SEMA5A: variants seen among roughly 807,000 people sequenced by gnomAD.
SEMA5A encodes semaphorin 5A.
Under a neutral mutation model 135.5 loss-of-function variants are expected in SEMA5A, and 55 were observed. The observed-to-expected ratio is 0.41, with a 90% CI of 0.33 to 0.51. The LOEUF (loss-of-function observed/expected upper bound fraction) is 0.51, where lower values mean the gene tolerates loss of function less well. SEMA5A is among the 20% of genes least tolerant of loss of function. The pLI is 0.37. For missense variants in SEMA5A, 1,290 were observed against 1,419.9 expected (o/e 0.91, Z 1.47); for synonymous variants, 580 against 546.5 (o/e 1.06, Z -0.85).
intron 11 of SEMA5A, among the ~76,000 whole-genome samples, chr5:9,180,375 C>T (rs1256091020): frequency 2.0e-5 from 3 of 152,122 alleles, no homozygotes; most frequent in Admixed American, 6.5e-5. Flanking sequence ...ATCAAAGAAG[C>T]ACTCAAATTA....
At chr5:9,334,455 G>A (rs1051229107) in intron 4 of SEMA5A, among the ~76,000 whole-genome samples, 11 of 152,120 alleles carry the variant, frequency 7.2e-5, no homozygotes, top group African/African-American at 2.2e-4. Flanking sequence ...TTTAGGTAGC[G>A]TCTGCCTGAA....
In SEMA5A at chr5:9,265,014, C is replaced by T. The variant is rs1015339449; in HGVS notation, c.271-27124G>A. On this transcript the variant is annotated intron_variant, in intron 5 of 22. Transcript: ENST00000382496. ...TGATCTGAAATTCCTTCTAATCTTA[C>T]TTTGGGAGCCTTCATTATAATGCAC... Among the ~76,000 whole-genome samples, 6 of 152,254 alleles carry T rather than the reference C, an allele frequency of 3.9e-5. No individual in the cohort carries two copies. In the South Asian group the frequency reaches 1.2e-3, roughly 32 times the overall value.
intron 16 of SEMA5A, among the ~76,000 whole-genome samples, chr5:9,067,211 T>G (rs1321531816): frequency 6.6e-6 from 1 of 152,166 alleles, no homozygotes; most frequent in East Asian, 1.9e-4. Context: ...GAGAGTACAC[T>G]AAAATGTAAG....
intron 19 of SEMA5A, 47 bp from the exon 20 acceptor site, chr5:9,052,075 T>C: frequency 6.6e-7 from 1 of 1,507,022 alleles, no homozygotes; most frequent in Admixed American, 2.3e-5. Flanking sequence ...GCCAGTAAGC[T>C]CAATCATCCT....
At chr5:9,404,266 T>A (rs888111203) in intron 2 of SEMA5A, among the ~76,000 whole-genome samples, 3 of 152,022 alleles carry the variant, frequency 2.0e-5, no homozygotes, top group African/African-American at 7.2e-5. Context: ...TACATATGAT[T>A]TCTCTGTTCA....
intron 8 of SEMA5A, among the ~76,000 whole-genome samples, chr5:9,218,859 T>A (rs1579639201): frequency 6.6e-6 from 1 of 152,188 alleles, no homozygotes; most frequent in Admixed American, 6.5e-5. Context: ...GCCCAAATAA[T>A]CACTCATTTA....
At chr5:9,453,165 C>A (rs547382420) in intron 1 of SEMA5A, among the ~76,000 whole-genome samples, 2 of 152,122 alleles carry the variant, frequency 1.3e-5, no homozygotes, top group Non-Finnish European at 2.9e-5. Flanking sequence ...TACAGTTGGA[C>A]CTCATTATCC....
intron 1 of SEMA5A, among the ~76,000 whole-genome samples, chr5:9,475,557 C>T (rs949583986): frequency 6.6e-6 from 1 of 152,088 alleles, no homozygotes; most frequent in Non-Finnish European, 1.5e-5. Flanking sequence ...TAAAAGTTTT[C>T]AAATGATTTT....
At chr5:9,468,206 T>C (rs146283990) in intron 1 of SEMA5A, among the ~76,000 whole-genome samples, 16 of 152,286 alleles carry the variant, frequency 1.1e-4, no homozygotes, top group African/African-American at 3.9e-4. Flanking sequence ...GCAGGCATTG[T>C]TGGTTTTTTT....
At chr5:9,193,272 C>T (rs183549384) in intron 10 of SEMA5A, among the ~76,000 whole-genome samples, 30 of 152,056 alleles carry the variant, frequency 2.0e-4, no homozygotes, top group Non-Finnish European at 3.5e-4. Flanking sequence ...CCGCTGTGTC[C>T]GTGTGGGGCA....
At chr5:9,416,341 C>A (rs969891859) in intron 2 of SEMA5A, among the ~76,000 whole-genome samples, 1 of 152,060 alleles carries the variant, frequency 6.6e-6, no homozygotes, top group Non-Finnish European at 1.5e-5. Context: ...CCACTCTAAC[C>A]CGTTTCTGAT....
intron 4 of SEMA5A, among the ~76,000 whole-genome samples, chr5:9,327,230 T>C (rs948521283): frequency 4.6e-5 from 7 of 152,202 alleles, no homozygotes; most frequent in African/African-American, 1.7e-4. Context: ...GACAAATTTA[T>C]AATATGGTCA....
Position 9,504,536 on chromosome 5 carries a change from A to G in SEMA5A, c.-175+41048T>C, listed in dbSNP as rs201702269. ...AATAAGTACCGGGGTCTCAAATGCA[A>G]CAGCAGGTAAGCACAAGTGCTGTGA... On this transcript the variant is annotated intron_variant, in intron 1 of 22. Coordinates refer to ENST00000382496, the MANE Select transcript of SEMA5A (RefSeq NM_003966.3). Among the ~76,000 whole-genome samples the G allele has an allele frequency of 5.3e-5, 8 of 152,224 alleles. No homozygotes were observed. In the East Asian group the frequency reaches 1.4e-3, roughly 26 times the overall value.
At chr5:9,405,701 G>A (rs1268587008) in intron 2 of SEMA5A, among the ~76,000 whole-genome samples, 1 of 152,196 alleles carries the variant, frequency 6.6e-6, no homozygotes, top group African/African-American at 2.4e-5. Context: ...AATGCTGGGT[G>A]CACAGCTAAT....
At chr5:9,463,530 T>A (rs1427945819) in intron 1 of SEMA5A, among the ~76,000 whole-genome samples, 1 of 152,020 alleles carries the variant, frequency 6.6e-6, no homozygotes, top group Non-Finnish European at 1.5e-5. Context: ...GTAAACATAG[T>A]GAAGTTGCTA....
chr5:9,376,463 C>A (rs903540568), intron 3 of SEMA5A, among the ~76,000 whole-genome samples: 1 of 152,186 alleles, frequency 6.6e-6, no homozygotes, highest in East Asian at 1.9e-4. Flanking sequence ...AAACCTTTTT[C>A]AACCACCGTC....
chr5:9,079,323 AC>A (rs1738242536), intron 16 of SEMA5A, among the ~76,000 whole-genome samples: 1 of 152,170 alleles, frequency 6.6e-6, no homozygotes, highest in African/African-American at 2.4e-5. Context: ...TGGATAAATA[AC>A]AAAATTAAGG....
At chr5:9,221,610 AT>A in intron 8 of SEMA5A, among the ~76,000 whole-genome samples, 1 of 152,106 alleles carries the variant, frequency 6.6e-6, no homozygotes, top group African/African-American at 2.4e-5. Flanking sequence ...CCCCCCGAAC[AT>A]TTTTCTGAAA....
At chr5:9,200,054 G>A (rs115468319) in intron 9 of SEMA5A, among the ~76,000 whole-genome samples, 1,967 of 152,144 alleles carry the variant, frequency 0.013, 44 homozygotes, top group African/African-American at 0.045. Context: ...TTTTCTTTCC[G>A]TTTGAAAAAA....
Sources: allele counts gnomAD v4.1 joint callset (sites outside exome capture counted in the v4.1 genomes callset), GRCh38; gene constraint gnomAD v4.1.1; transcripts MANE v1.5; gene names NCBI Gene and HGNC (gene_info 2026-07-23, HGNC 2026-07-21).